The following GAS2 variants were observed in gnomAD, a reference collection of about 807,000 sequenced individuals.
GAS2 encodes the protein growth arrest specific 2.
In GAS2, 20 loss-of-function variants were observed where a neutral mutation model predicts 37.5. The observed-to-expected ratio is 0.53, with a 90% CI of 0.37 to 0.77. The LOEUF (loss-of-function observed/expected upper bound fraction) is 0.77, where lower values mean the gene tolerates loss of function less well. Among genes scored for constraint, GAS2 ranks in the 30% least tolerant of loss-of-function variants. GAS2 has a pLI of 0.00. For synonymous variants in GAS2, 144 were observed against 132.2 expected (o/e 1.09, Z -0.61); for missense variants, 336 against 373.4 (o/e 0.90, Z 0.82).
chr11:22,698,288 C>G (rs1453752130), intron 3 of GAS2, among the ~76,000 whole-genome samples: 1 of 152,078 alleles, frequency 6.6e-6, no homozygotes, highest in Non-Finnish European at 1.5e-5. Context: ...ATAAATTCCT[C>G]AACACAGTCA....
In GAS2 at chr11:22,749,275, G is replaced by T. The variant is rs372891628; in HGVS notation, c.615+14G>T. 6.2e-7 allele frequency: 1 copy of T among 1,607,146 alleles called. No individual in the cohort carries two copies. The highest frequency in any genetic ancestry group is 8.5e-7 in the Non-Finnish European group (1 of 1,176,898). On this transcript the variant is annotated intron_variant, in intron 6 of 7. Transcript: ENST00000454584. Reference sequence around the variant, plus strand: ...CTGGATGATGCAGTAAGTAAAATCAGTCAGACTTCTTACCAACGGTTAGTC... The same window carrying T: ...CTGGATGATGCAGTAAGTAAAATCATTCAGACTTCTTACCAACGGTTAGTC...
At chr11:22,780,063 C>T (rs1011300882) in intron 7 of GAS2, among the ~76,000 whole-genome samples, 5 of 152,090 alleles carry the variant, frequency 3.3e-5, no homozygotes, top group African/African-American at 7.2e-5. Context: ...TAGTACATTG[C>T]GTAGTATATA....
intron 1 of GAS2, among the ~76,000 whole-genome samples, chr11:22,635,581 G>T (rs765207275): frequency 6.6e-6 from 1 of 152,160 alleles, no homozygotes; most frequent in African/African-American, 2.4e-5. Flanking sequence ...CCTCCCTGTC[G>T]GCCTGCAGAC....
chr11:22,684,158 G>A (rs937899376), intron 2 of GAS2, among the ~76,000 whole-genome samples: 6 of 152,202 alleles, frequency 3.9e-5, no homozygotes, highest in Non-Finnish European at 5.9e-5. Flanking sequence ...GATAGATCAC[G>A]GAGTAGGGTG....
chr11:22,717,924 C>A (rs1213805671), intron 3 of GAS2, among the ~76,000 whole-genome samples: 1 of 152,086 alleles, frequency 6.6e-6, no homozygotes, highest in South Asian at 2.1e-4. Context: ...CAATGTGATA[C>A]CACCTTCTGC....
chr11:22,770,319 TAAAC>T (rs1030313974), intron 7 of GAS2, among the ~76,000 whole-genome samples: 9 of 152,104 alleles, frequency 5.9e-5, no homozygotes, highest in African/African-American at 2.2e-4. Flanking sequence ...AAAGTTTAAA[TAAAC>T]AAATAAATAA....
intron 1 of GAS2, among the ~76,000 whole-genome samples, chr11:22,633,516 G>T (rs756257887): frequency 6.6e-6 from 1 of 152,138 alleles, no homozygotes; most frequent in Non-Finnish European, 1.5e-5. Flanking sequence ...TATTTTCCCA[G>T]TATTTTATTC....
intron 1 of GAS2, among the ~76,000 whole-genome samples, chr11:22,636,360 G>A (rs932627883): frequency 1.3e-5 from 2 of 152,048 alleles, no homozygotes; most frequent in African/African-American, 2.4e-5. Context: ...CCTACCTCAC[G>A]GGCCCTGGTA....
At chr11:22,688,982 T>G (rs1403680339) in intron 3 of GAS2, among the ~76,000 whole-genome samples, 1 of 152,168 alleles carries the variant, frequency 6.6e-6, no homozygotes, top group African/African-American at 2.4e-5. Context: ...TCATGTCCTT[T>G]GCAGAAACAT....
intron 1 of GAS2, among the ~76,000 whole-genome samples, chr11:22,641,315 T>TATATATCTTC (rs1848626637): frequency 8.9e-6 from 1 of 112,634 alleles, no homozygotes; most frequent in Non-Finnish European, 2.0e-5. Context: ...TATATATATT[T>TATATATCTTC]ATATATCTTT....
At chr11:22,673,028 T>A (rs1342745261) in intron 1 of GAS2, among the ~76,000 whole-genome samples, 1 of 152,294 alleles carries the variant, frequency 6.6e-6, no homozygotes, top group East Asian at 1.9e-4. Context: ...TAGATAGATA[T>A]ATATAAGATG....
At chr11:22,672,899 G>A (rs1849260650) in intron 1 of GAS2, among the ~76,000 whole-genome samples, 1 of 151,418 alleles carries the variant, frequency 6.6e-6, no homozygotes, top group South Asian at 2.1e-4. Flanking sequence ...GACTTTATAT[G>A]GATAACATCA....
chr11:22,793,180 G>T (rs962933058), intron 7 of GAS2, among the ~76,000 whole-genome samples: 2 of 152,124 alleles, frequency 1.3e-5, no homozygotes, highest in South Asian at 4.2e-4. Flanking sequence ...AGCCTGAGGC[G>T]GGAGAATTGC....
downstream of GAS2, chr11:22,813,027 C>T (rs1283254252): frequency 2.0e-5 from 3 of 152,508 alleles, no homozygotes; most frequent in African/African-American, 7.2e-5. Context: ...ATGCCTCATT[C>T]TGAAATCAAG....
At chr11:22,805,110 C>T (rs775408094) in intron 7 of GAS2, among the ~76,000 whole-genome samples, 15 of 150,976 alleles carry the variant, frequency 9.9e-5, no homozygotes, top group Non-Finnish European at 2.1e-4. Context: ...TTTTTTAGAT[C>T]GGTCACATAC....
At chr11:22,644,333 A>AT (rs1028527455) in intron 1 of GAS2, among the ~76,000 whole-genome samples, 9 of 151,900 alleles carry the variant, frequency 5.9e-5, no homozygotes, top group Admixed American at 1.3e-4. Context: ...CAAATAAGTG[A>AT]TTTTTTTTCA....
chr11:22,713,064 CA>C (rs61240215), intron 3 of GAS2, among the ~76,000 whole-genome samples: 72,091 of 111,806 alleles, frequency 0.64, 23,690 homozygotes, highest in Non-Finnish European at 0.77. Flanking sequence ...GAGACTGTGT[CA>C]AAAAAAAAAA....
intron 4 of GAS2, among the ~76,000 whole-genome samples, chr11:22,728,477 T>G (rs1161274680): frequency 6.6e-6 from 1 of 151,760 alleles, no homozygotes; most frequent in Non-Finnish European, 1.5e-5. Flanking sequence ...ATGGCCTACT[T>G]CTTCAGCCTG....
At chr11:22,673,785 G>C (rs2133883421) in intron 1 of GAS2, among the ~76,000 whole-genome samples, 1 of 152,186 alleles carries the variant, frequency 6.6e-6, no homozygotes, top group South Asian at 2.1e-4. Context: ...CATATTCAAG[G>C]CCAAATATAT....
Sources: gnomAD v4.1 joint callset for allele counts (sites outside exome capture counted in the v4.1 genomes callset) on GRCh38, gnomAD v4.1.1 for gene constraint, MANE v1.5 for transcripts, NCBI Gene and HGNC (gene_info 2026-07-23, HGNC 2026-07-21) for gene names.